The following CNTN2 variants were observed in gnomAD, a reference collection of about 807,000 sequenced individuals.
CNTN2 encodes contactin-2.
Under a neutral mutation model 117.5 loss-of-function variants are expected in CNTN2, and 53 were observed. That is an observed-to-expected ratio of 0.45 (90% CI 0.36 to 0.57). CNTN2 has a LOEUF of 0.57. Ranked by LOEUF, CNTN2 falls within the 20% of genes least tolerant of loss-of-function variation. The pLI, the probability that CNTN2 is intolerant of heterozygous loss-of-function variation, is 0.00. For missense variants in CNTN2, 1,106 were observed against 1,404.3 expected (o/e 0.79, Z 3.39); for synonymous variants, 530 against 561.7 (o/e 0.94, Z 0.80).
intron 9 of CNTN2, 66 bp downstream of exon 9, chr1:205,062,067 G>C (rs139840995): frequency 6.4e-7 from 1 of 1,554,276 alleles, no homozygotes; most frequent in Non-Finnish European, 8.7e-7. Context: ...TCCCTCCCCC[G>C]CCCAGAACTT....
chr1:205,063,909 A>G (rs79544166), intron 10 of CNTN2, among the ~76,000 whole-genome samples: 3 of 151,178 alleles, frequency 2.0e-5, no homozygotes, highest in African/African-American at 2.4e-5. Flanking sequence ...AGAGAGAGAG[A>G]AAAAAAAAGG....
rs932778803 is a variant in CNTN2 at position 205,077,702 on chromosome 1, T to C, written c.*3937T>C. On this transcript the variant is annotated 3_prime_UTR_variant, in exon 23 of 23. Coordinates refer to ENST00000331830, the MANE Select transcript of CNTN2 (RefSeq NM_005076.5). The stretch of plus-strand genomic sequence containing the variant: ...AGAAACAAAATGGGTCAGATAGCTT[T>C]GGCCACAGCCCCAGGCAGCCTTTGG... 3 of 152,328 alleles carry C rather than the reference T, an allele frequency of 2.0e-5. No individual in the cohort carries two copies. The highest frequency in any genetic ancestry group is 7.2e-5 in the African/African-American group (3 of 41,454). The allele number at this position is 152,328 out of a possible 1,614,324, so 9.4% of individuals were successfully genotyped here.
Position 205,072,503 on chromosome 1 carries a change from A to G in CNTN2, c.2752A>G (p.Asn918Asp), listed in dbSNP as rs1160114127. Residue 918 changes from asparagine to aspartate, a missense_variant, in exon 21 of 23, where the codon AAC becomes GAC. By Grantham distance (23) the Asn-to-Asp change is conservative. Coordinates refer to ENST00000331830, the MANE Select transcript of CNTN2 (RefSeq NM_005076.5). ...MKPPPRRPPG[N>D]ISWTFSSSSL... is the part of the protein sequence containing the mutation. ...GGCAGCTCCGCGGCGACCTCCTGGCAACATCTCCTGGACTTTCTCAAGCTC... is the reference window on the plus strand; with the variant it reads ...GGCAGCTCCGCGGCGACCTCCTGGCGACATCTCCTGGACTTTCTCAAGCTC... The G allele has an allele frequency of 2.5e-6, 4 of 1,614,024 alleles. No homozygotes were observed. In the Admixed American group the frequency reaches 6.7e-5, roughly 27 times the overall value.
Position 205,058,780 on chromosome 1 carries a change from C to A in CNTN2, c.487+117C>A. 1 of 747,350 alleles carries A rather than the reference C, an allele frequency of 1.3e-6. No homozygotes were observed. Among genetic ancestry groups the A allele is most frequent in the Non-Finnish European group, 2.2e-6 (1 of 459,638 alleles). The allele number at this position is 747,350 out of a possible 1,614,324, so 46.3% of individuals were successfully genotyped here. On this transcript the variant is annotated intron_variant, in intron 5 of 22. Coordinates refer to ENST00000331830, the MANE Select transcript of CNTN2 (RefSeq NM_005076.5). This position sits in a 1 kb window ranked among gnomAD's most constrained non-coding sequence, Gnocchi z 4.3. ...GGAAATGACCCTTAGAAGCACCCAT[C>A]CCTGGGACCCTAACTTTAAATGATC...
chr1:205,058,403 G>A lies in CNTN2; in HGVS notation c.391+47G>A, dbSNP rs376118285. 134 of 1,535,466 alleles carry A rather than the reference G, an allele frequency of 8.7e-5. No homozygotes were observed. In the Middle Eastern group the frequency reaches 1.2e-3, roughly 13 times the overall value. The stretch of plus-strand genomic sequence containing the variant: ...GACACTTTGGGGGAGGGGGAGAGGG[G>A]GCTAGGAGAAATTACTGAGAAAGGA... On this transcript the variant is annotated intron_variant, in intron 4 of 22. Transcript: ENST00000331830. The surrounding 1 kb of genome is among the most constrained non-coding windows in gnomAD (Gnocchi z 4.3).
At position 205,058,800 on chromosome 1, in the gene CNTN2, A is replaced by G; in HGVS notation, c.487+137A>G. 1.4e-6 allele frequency: 1 copy of G among 698,382 alleles called. No homozygotes were observed. Among genetic ancestry groups the G allele is most frequent in the Non-Finnish European group, 2.4e-6 (1 of 419,610 alleles). The allele number at this position is 698,382 out of a possible 1,614,324, so 43.3% of individuals were successfully genotyped here. On this transcript the variant is annotated intron_variant, in intron 5 of 22. Coordinates refer to ENST00000331830, the MANE Select transcript of CNTN2 (RefSeq NM_005076.5). This position sits in a 1 kb window ranked among gnomAD's most constrained non-coding sequence, Gnocchi z 4.3. ...CCCATCCCTGGGACCCTAACTTTAA[A>G]TGATCTGTGTTTCCTTTATAGGTCT...
Position 205,069,482 on chromosome 1 carries a change from C to A in CNTN2, c.2126-9C>A. 1 of 1,613,994 alleles carries A rather than the reference C, an allele frequency of 6.2e-7. No homozygotes were observed. The highest frequency in any genetic ancestry group is 8.5e-7 in the Non-Finnish European group (1 of 1,179,980). Reference sequence around the variant, plus strand: ...ACAAGCCATATCGGTGTCCCTTGGCCCTTGACAGCCCCCTCGGTGGCACCC... The same window carrying A: ...ACAAGCCATATCGGTGTCCCTTGGCACTTGACAGCCCCCTCGGTGGCACCC... On this transcript the variant is annotated splice_polypyrimidine_tract_variant and intron_variant, in intron 16 of 22. Transcript: ENST00000331830.
intron 1 of CNTN2, among the ~76,000 whole-genome samples, chr1:205,051,933 T>G (rs1266434641): frequency 6.6e-6 from 1 of 152,172 alleles, no homozygotes; most frequent in Admixed American, 6.5e-5. Context: ...CGGGTCCCCA[T>G]CCAGGGGACA....
rs544340922 is a variant in CNTN2 at position 205,059,714 on chromosome 1, C to T, written c.797+32C>T. 3.3e-5 allele frequency: 53 copies of T among 1,591,352 alleles called. No homozygotes were observed. In the Middle Eastern group the frequency reaches 1.0e-3, roughly 30 times the overall value. Reference sequence around the variant, plus strand: ...GTGAAGAGGGAGGGGAAGCAGAGCACGGTCTCTCGGGGGCACAGGTGACCC... The same window carrying T: ...GTGAAGAGGGAGGGGAAGCAGAGCATGGTCTCTCGGGGGCACAGGTGACCC... On this transcript the variant is annotated intron_variant, in intron 7 of 22. Transcript: ENST00000331830. This position sits in a 1 kb window ranked among gnomAD's most constrained non-coding sequence, Gnocchi z 5.6.
At chr1:205,055,888 A>C (rs1283357478) in intron 2 of CNTN2, among the ~76,000 whole-genome samples, 1 of 152,234 alleles carries the variant, frequency 6.6e-6, no homozygotes, top group Non-Finnish European at 1.5e-5. Context: ...CAGTCCGTCT[A>C]TAGCACCTAT....
intron 2 of CNTN2, among the ~76,000 whole-genome samples, chr1:205,056,864 G>A (rs1177310701): frequency 6.6e-6 from 1 of 152,196 alleles, no homozygotes; most frequent in Non-Finnish European, 1.5e-5. Context: ...GAAGAGAGAG[G>A]AGTCTGCCCC....
chr1:205,064,423 G>T lies in CNTN2; in HGVS notation c.1342G>T (p.Ala448Ser), dbSNP rs758722493. The part of the protein sequence containing the change: ...IPCQPRAAPK[A>S]VVLWSKGTEI... ...CTGCCAGCCCCGGGCAGCTCCAAAGGCCGTGGTGCTCTGGAGCAAAGGCAC... is the reference window on the plus strand; with the variant it reads ...CTGCCAGCCCCGGGCAGCTCCAAAGTCCGTGGTGCTCTGGAGCAAAGGCAC... Residue 448 changes from alanine to serine, a missense_variant, in exon 11 of 23, where the codon GCC becomes TCC. By Grantham distance (99) the Ala-to-Ser change is moderately conservative. Transcript: ENST00000331830. The T allele has an allele frequency of 6.8e-6, 11 of 1,612,782 alleles. 1 individual carries two copies. In the South Asian group the frequency reaches 9.9e-5, roughly 14 times the overall value.
intron 7 of CNTN2, chr1:205,060,875 A>G: frequency 4.6e-6 from 1 of 217,250 alleles, no homozygotes; most frequent in Non-Finnish European, 9.0e-6. Context: ...GGCAACGGAA[A>G]AGAGAACCCG....
intron 1 of CNTN2, among the ~76,000 whole-genome samples, chr1:205,045,486 C>G (rs2096440026): frequency 6.6e-6 from 1 of 152,120 alleles, no homozygotes; most frequent in Admixed American, 6.5e-5. Flanking sequence ...ACAGGTGTAC[C>G]CCAAGGCATC....
chr1:205,058,680 G>A lies in CNTN2; in HGVS notation c.487+17G>A. On this transcript the variant is annotated intron_variant, in intron 5 of 22. Coordinates refer to ENST00000331830, the MANE Select transcript of CNTN2 (RefSeq NM_005076.5). The surrounding 1 kb of genome is among the most constrained non-coding windows in gnomAD (Gnocchi z 4.3). ...ACTACCCAGGTGAGTCCAGACCTGG[G>A]GCCAGGGTTAGAGAGGGCACAGGAA... is the stretch of plus-strand genomic sequence containing the variant. 1 of 1,605,042 alleles carries A rather than the reference G, an allele frequency of 6.2e-7. No homozygotes were observed. Among genetic ancestry groups the A allele is most frequent in the South Asian group, 1.1e-5 (1 of 90,336 alleles).
Position 205,045,351 on chromosome 1 carries a change from C to CT in CNTN2, c.-87+1958dup, listed in dbSNP as rs544906806. ...TTATGCAACTCCATTCCAGCACCTTCTCTGCCAGCAGTTGTTCAAATAGAG... is the reference window on the plus strand; with the variant it reads ...TTATGCAACTCCATTCCAGCACCTTCTTCTGCCAGCAGTTGTTCAAATAGAG... On this transcript the variant is annotated intron_variant, in intron 1 of 22. Transcript: ENST00000331830. Among the ~76,000 whole-genome samples the CT allele has an allele frequency of 2.4e-3, 372 of 152,312 alleles. 2 individuals carry two copies. The highest frequency in any genetic ancestry group is 8.5e-3 in the African/African-American group (354 of 41,562).
At position 205,061,516 on chromosome 1, in the gene CNTN2, A is replaced by G; in HGVS notation, c.973+96A>G. 7.3e-7 allele frequency: 1 copy of G among 1,375,966 alleles called. No homozygotes were observed. The highest frequency in any genetic ancestry group is 9.7e-7 in the Non-Finnish European group (1 of 1,028,238). 85.2% of individuals were successfully genotyped at this position (1,375,966 alleles called of 1,614,324 possible). A position where few individuals can be genotyped will look rare whatever the true frequency, so the allele number is the denominator to read the frequency against. ...AACAGACCCAAAAGTCAGGGAGGAG[A>G]CTGGGAGGCCCCCTGCATGAGCCTG... On this transcript the variant is annotated intron_variant, in intron 8 of 22. Coordinates refer to ENST00000331830, the MANE Select transcript of CNTN2 (RefSeq NM_005076.5). The surrounding 1 kb of genome is among the most constrained non-coding windows in gnomAD (Gnocchi z 4.8).
rs1654268617 is a variant in CNTN2 at position 205,065,972 on chromosome 1, A to T, written c.1816+63A>T. ...CTTAAAACCCAGCTGGGCTGTTCTGACCTGCTCGCCTCATCTCCCCTCCCT... is the reference window on the plus strand; with the variant it reads ...CTTAAAACCCAGCTGGGCTGTTCTGTCCTGCTCGCCTCATCTCCCCTCCCT... On this transcript the variant is annotated intron_variant, in intron 14 of 22. Coordinates refer to ENST00000331830, the MANE Select transcript of CNTN2 (RefSeq NM_005076.5). The surrounding 1 kb of genome is among the most constrained non-coding windows in gnomAD (Gnocchi z 4.1). The T allele has an allele frequency of 6.5e-7, 1 of 1,531,060 alleles. No individual in the cohort carries two copies. The highest frequency in any genetic ancestry group is 1.3e-5 in the South Asian group (1 of 77,282). The allele number at this position is 1,531,060 out of a possible 1,614,324, so 94.8% of individuals were successfully genotyped here. A position where few individuals can be genotyped will look rare whatever the true frequency, so the allele number is the denominator to read the frequency against.
rs2096445149 is a variant in CNTN2 at position 205,048,261 on chromosome 1, G to A, written c.-86-4839G>A. On this transcript the variant is annotated intron_variant, in intron 1 of 22. Coordinates refer to ENST00000331830, the MANE Select transcript of CNTN2 (RefSeq NM_005076.5). The surrounding 1 kb of genome is among the most constrained non-coding windows in gnomAD (Gnocchi z 4.1). The stretch of plus-strand genomic sequence containing the variant: ...GGCATCCCAGTAGGGAGAACTCTGG[G>A]GTGGAGGGTGTACCTTTTATTTTTT... 6.6e-6 allele frequency among the ~76,000 whole-genome samples: 1 copy of A among 152,154 alleles called. No homozygotes were observed. Among genetic ancestry groups the A allele is most frequent in the Non-Finnish European group, 1.5e-5 (1 of 68,028 alleles).
Sources: gnomAD v4.1 joint callset for allele counts (sites outside exome capture counted in the v4.1 genomes callset) on GRCh38, gnomAD v4.1.1 for gene constraint, Gnocchi (gnomAD v3.1) non-coding constraint, MANE v1.5 for transcripts, NCBI Gene and HGNC (gene_info 2026-07-23, HGNC 2026-07-21) for gene names.